The following NSD1 variants were observed in gnomAD, a reference collection of about 807,000 sequenced individuals.
NSD1 encodes histone-lysine N-methyltransferase, H3 lysine-36 specific.
Under a neutral mutation model 242.7 loss-of-function variants are expected in NSD1, and 26 were observed. The ratio of observed to expected loss-of-function variants is 0.11; its 90% CI spans 0.08 to 0.15. The LOEUF is 0.15. Ranked by LOEUF, NSD1 falls within the 10% of genes least tolerant of loss-of-function variation. NSD1 has a pLI of 1.00. For synonymous variants in NSD1, 1,106 were observed against 1,178.1 expected, an observed-to-expected ratio of 0.94 and a Z score of 1.25; for missense variants, 2,495 against 3,272.8, an observed-to-expected ratio of 0.76 and a Z score of 5.80.
intron 2 of NSD1, among the ~76,000 whole-genome samples, chr5:177,183,185 A>C (rs1297125561): frequency 6.6e-6 from 1 of 152,126 alleles, no homozygotes. Flanking sequence ...TTTCCCCCAA[A>C]TTTATACATT....
intron 3 of NSD1, among the ~76,000 whole-genome samples, chr5:177,201,957 G>A (rs1308689769): frequency 1.3e-5 from 2 of 151,564 alleles, no homozygotes; most frequent in Non-Finnish European, 3.0e-5. Context: ...ACCTGAGGTC[G>A]GCAGTTTGAG....
At chr5:177,233,836 G>A (rs982540854) in intron 5 of NSD1, among the ~76,000 whole-genome samples, 2 of 152,176 alleles carry the variant, frequency 1.3e-5, no homozygotes, top group Non-Finnish European at 2.9e-5. Flanking sequence ...TTTATGCCAT[G>A]TGCTTTCCCT....
At chr5:177,226,975 G>T (rs1374664127) in intron 5 of NSD1, among the ~76,000 whole-genome samples, 1 of 152,140 alleles carries the variant, frequency 6.6e-6, no homozygotes, top group East Asian at 1.9e-4. Context: ...CAACTGTAGG[G>T]CAGGGTGTGG....
chr5:177,198,577 T>C (rs1452103095), intron 3 of NSD1, among the ~76,000 whole-genome samples: 1 of 152,124 alleles, frequency 6.6e-6, no homozygotes, highest in African/African-American at 2.4e-5. Context: ...ATATTTAGTG[T>C]ATAAAATTAG....
chr5:177,158,282 TTTCTTTCTTTCTTTCTTTC>T (rs1758333512), intron 2 of NSD1, among the ~76,000 whole-genome samples: 1 of 102,536 alleles, frequency 9.8e-6, no homozygotes, highest in African/African-American at 5.3e-5. Context: ...TCTTTCTTTC[TTTCTTTCTTTCTTTCTTTC>T]TTTTCTTTCT....
intron 3 of NSD1, 110 bp from the exon 4 acceptor site, chr5:177,204,010 G>A: frequency 1.9e-6 from 2 of 1,046,444 alleles, no homozygotes; most frequent in Non-Finnish European, 3.0e-6. Context: ...CAGTGGGCAT[G>A]TTAGTTGTTT....
chr5:177,195,004 CAAAA>C (rs1168824001), intron 3 of NSD1, among the ~76,000 whole-genome samples: 1 of 151,736 alleles, frequency 6.6e-6, no homozygotes, highest in Non-Finnish European at 1.5e-5. Flanking sequence ...ACTAAAAATA[CAAAA>C]ATTAGCCAGG....
chr5:177,249,298 A>ACT (rs1755709534), intron 11 of NSD1, among the ~76,000 whole-genome samples: 2 of 151,968 alleles, frequency 1.3e-5, no homozygotes, highest in South Asian at 4.2e-4. Flanking sequence ...GCACAGCGAG[A>ACT]CCCCTGTCTC....
At chr5:177,191,862 C>A (rs751229961) in intron 2 of NSD1, 22 bp from the exon 3 acceptor site, 1 of 1,612,714 alleles carries the variant, frequency 6.2e-7, no homozygotes, top group South Asian at 1.1e-5. Flanking sequence ...TTATTGATGC[C>A]CCATGTTTTG....
chr5:177,141,714 C>G (rs1756842481), intron 2 of NSD1, among the ~76,000 whole-genome samples: 1 of 152,128 alleles, frequency 6.6e-6, no homozygotes, highest in Non-Finnish European at 1.5e-5. Context: ...TTCATTGATT[C>G]TGCTGCTACT....
chr5:177,184,946 A>G (rs181611505), intron 2 of NSD1, among the ~76,000 whole-genome samples: 129 of 152,292 alleles, frequency 8.5e-4, no homozygotes, highest in Admixed American at 1.2e-3. Context: ...GGCTTTGGAT[A>G]TCATATAAAT....
chr5:177,205,553 T>A (rs112116390), intron 4 of NSD1, among the ~76,000 whole-genome samples: 2,727 of 151,768 alleles, frequency 0.018, 46 homozygotes, highest in Non-Finnish European at 0.03. Context: ...ATATAAAAAT[T>A]ACTATCTTAA....
chr5:177,224,435 TTTG>T (rs897520067), intron 5 of NSD1, among the ~76,000 whole-genome samples: 30 of 152,060 alleles, frequency 2.0e-4, no homozygotes, highest in African/African-American at 6.8e-4. Flanking sequence ...TATAAATGAA[TTTG>T]TTTTTGATTT....
At chr5:177,239,425 A>G (rs759122812) in intron 7 of NSD1, among the ~76,000 whole-genome samples, 7 of 152,158 alleles carry the variant, frequency 4.6e-5, no homozygotes, top group Non-Finnish European at 8.8e-5. Context: ...TCCAAGTTCT[A>G]TTTCACTCCA....
intron 14 of NSD1, among the ~76,000 whole-genome samples, chr5:177,262,513 T>C (rs1190383821): frequency 6.6e-6 from 1 of 152,056 alleles, no homozygotes; most frequent in African/African-American, 2.4e-5. Flanking sequence ...GAGGCCCAAA[T>C]CACTAAGCCA....
chr5:177,231,204 G>A (rs1391211021), intron 5 of NSD1, among the ~76,000 whole-genome samples: 1 of 152,116 alleles, frequency 6.6e-6, no homozygotes, highest in Non-Finnish European at 1.5e-5. Context: ...TCCCGCCTTA[G>A]CCTCCCAAAT....
At chr5:177,285,332 C>T (rs1759219681) in intron 20 of NSD1, among the ~76,000 whole-genome samples, 1 of 151,844 alleles carries the variant, frequency 6.6e-6, no homozygotes. Flanking sequence ...GGGAGGCCAA[C>T]ACGGGCAGAT....
chr5:177,207,151 G>A (rs35806480), intron 4 of NSD1, among the ~76,000 whole-genome samples: 21,707 of 151,954 alleles, frequency 0.14, 2,032 homozygotes, highest in East Asian at 0.51. Flanking sequence ...TGGCCAGGCT[G>A]GTCTCGACCT....
chr5:177,216,192 T>C (rs10058224), intron 5 of NSD1, among the ~76,000 whole-genome samples: 1 of 152,212 alleles, frequency 6.6e-6, no homozygotes. Flanking sequence ...TTGTTATTTT[T>C]AAAAAATGAG....
Sources: allele counts gnomAD v4.1 joint callset (sites outside exome capture counted in the v4.1 genomes callset), GRCh38; gene constraint gnomAD v4.1.1; transcripts MANE v1.5; gene names NCBI Gene and HGNC (gene_info 2026-07-23, HGNC 2026-07-21).